Variants in HDAC5 observed in about 807,000 individuals in gnomAD.
HDAC5 encodes histone deacetylase 5.
Under a neutral mutation model 133.3 loss-of-function variants are expected in HDAC5, and 25 were observed. That is an observed-to-expected ratio of 0.19 (90% confidence interval 0.14 to 0.26). HDAC5 has a LOEUF of 0.26. Ranked by LOEUF, HDAC5 falls within the 10% of genes least tolerant of loss-of-function variation. HDAC5 has a pLI of 1.00. For missense variants in HDAC5, 1,041 were observed against 1,460.5 expected (o/e 0.71, Z 4.68); for synonymous variants, 589 against 610.8 (o/e 0.96, Z 0.53).
rs2052541554 is a variant in HDAC5 at position 44,114,544 on chromosome 17, T to C, written c.22+2950A>G. ...GGTGTTGTCATGAAGCTTGTCTCCC[T>C]CCCACACTGGGGAGAAGGATCCTGG... On this transcript the variant is annotated intron_variant, in intron 2 of 26. Transcript: ENST00000682912. Among the ~76,000 whole-genome samples the C allele has an allele frequency of 3.9e-5, 6 of 152,204 alleles. No individual in the cohort carries two copies. The South Asian group carries it at 1.2e-3, about 32-fold the overall frequency.
rs1329425796 is a variant in HDAC5, at chr17:44,084,663, G to A, written c.2197C>T (p.Arg733Cys). The change falls in exon 16 of 27, where the codon CGC becomes TGC. Residue 733 changes from arginine to cysteine, a missense_variant. Physicochemically the swap from Arg to Cys is radical, Grantham distance 180 (BLOSUM62 -3). Around this residue, in one of 9 missense-constraint regions of HDAC5, gnomAD observed 42 missense variants for 101.7 expected, o/e 0.41. Transcript: ENST00000682912. ...TGGATCTCATCTAGCGTGGCTTTGC[G>A]ACCTCGGATCCGCTGCCAGGAGGAT... ...LLSKCERIRGRKATLDEIQTV... is the reference protein window; with the variant it reads ...LLSKCERIRGCKATLDEIQTV... The A allele has an allele frequency of 1.2e-6, 2 of 1,614,014 alleles. No homozygotes were observed. The highest frequency in any genetic ancestry group is 2.2e-5 in the East Asian group (1 of 44,878).
intron 3 of HDAC5, among the ~76,000 whole-genome samples, chr17:44,095,730 GGGCA>G (rs1422485232): frequency 6.6e-6 from 1 of 152,098 alleles, no homozygotes; most frequent in African/African-American, 2.4e-5. Flanking sequence ...GAGGATGGGC[GGGCA>G]GGCAGCAGGG....
chr17:44,078,244 C>G lies in HDAC5; in HGVS notation c.*132G>C. 1 of 931,380 alleles carries G rather than the reference C, an allele frequency of 1.1e-6. No individual in the cohort carries two copies. Among genetic ancestry groups the G allele is most frequent in the Non-Finnish European group, 1.5e-6 (1 of 647,596 alleles). The allele number at this position is 931,380 out of a possible 1,614,324, so 57.7% of individuals were successfully genotyped here. On this transcript the variant is annotated 3_prime_UTR_variant, in exon 27 of 27. Coordinates refer to ENST00000682912, the MANE Select transcript of HDAC5 (RefSeq NM_005474.5). The stretch of plus-strand genomic sequence containing the variant: ...CCACAGGGCTGGGGGCCTGAGGCAG[C>G]GTAGAGGAGCAGGAGGGGCAAGGCT...
At chr17:44,088,065 A>G (rs2050753801) in intron 12 of HDAC5, among the ~76,000 whole-genome samples, 1 of 151,598 alleles carries the variant, frequency 6.6e-6, no homozygotes. Context: ...CTGCAGTGCA[A>G]TGGTGCGATC....
At chr17:44,083,885 A>C in intron 16 of HDAC5, 31 bp from the exon 17 acceptor site, 1 of 1,605,922 alleles carries the variant, frequency 6.2e-7, no homozygotes, top group Non-Finnish European at 8.5e-7. Flanking sequence ...GCTACTCTAG[A>C]AGTGGCCTCG....
At chr17:44,079,746 A>G (rs188078682) in intron 23 of HDAC5, among the ~76,000 whole-genome samples, 1 of 152,280 alleles carries the variant, frequency 6.6e-6, no homozygotes, top group African/African-American at 2.4e-5. Context: ...ATATATCCAT[A>G]ATAAAATACA....
intron 1 of HDAC5, among the ~76,000 whole-genome samples, chr17:44,121,527 G>T (rs1292531050): frequency 6.7e-6 from 1 of 150,112 alleles, no homozygotes; most frequent in East Asian, 2.0e-4. Flanking sequence ...AAAGGGATGT[G>T]AGTAGGAAGA....
chr17:44,114,448 G>T (rs879741219), intron 2 of HDAC5, among the ~76,000 whole-genome samples: 32 of 151,874 alleles, frequency 2.1e-4, no homozygotes, highest in Admixed American at 1.4e-3. Flanking sequence ...GGGGGGGGGG[G>T]GCTGCTGCCC....
At position 44,078,372 on chromosome 17, in the gene HDAC5, G is replaced by A; in HGVS notation, c.*4C>T. 5 of 1,522,322 alleles carry A rather than the reference G, an allele frequency of 3.3e-6. No homozygotes were observed. The highest frequency in any genetic ancestry group is 4.4e-6 in the Non-Finnish European group (5 of 1,137,546). The allele number at this position is 1,522,322 out of a possible 1,614,324, so 94.3% of individuals were successfully genotyped here. On this transcript the variant is annotated 3_prime_UTR_variant, in exon 27 of 27. Transcript: ENST00000682912. ...TGAAGCCCAGAGGGATGGGGGCCGG[G>A]GCGTCACAGGGCAGGCTCCTGCTCC...
intron 1 of HDAC5, among the ~76,000 whole-genome samples, chr17:44,121,265 C>T (rs1017275769): frequency 3.9e-5 from 6 of 152,016 alleles, no homozygotes; most frequent in Admixed American, 3.3e-4. Flanking sequence ...GAAAGGGCTG[C>T]GGCTGGGCCT....
chr17:44,115,938 T>C (rs1451794518), intron 2 of HDAC5: 1 of 152,218 alleles, frequency 6.6e-6, no homozygotes, highest in Non-Finnish European at 1.5e-5. Context: ...TCCAACACTC[T>C]TGTCAGCTCC....
chr17:44,103,853 C>T (rs1374063305), intron 3 of HDAC5, among the ~76,000 whole-genome samples: 1 of 151,950 alleles, frequency 6.6e-6, no homozygotes, highest in Non-Finnish European at 1.5e-5. Context: ...GGATTACAGG[C>T]ATACGCCACC....
intron 3 of HDAC5, among the ~76,000 whole-genome samples, chr17:44,096,962 T>G (rs1249583330): frequency 3.9e-5 from 6 of 152,176 alleles, no homozygotes; most frequent in African/African-American, 1.2e-4. Flanking sequence ...CCTCAGGTGA[T>G]CCACCCGCCT....
intron 20 of HDAC5, 34 bp downstream of exon 20, chr17:44,082,551 C>A: frequency 6.5e-7 from 1 of 1,543,894 alleles, no homozygotes; most frequent in Non-Finnish European, 9.0e-7. Context: ...TAGCTCTACC[C>A]GCCCCTGCCC....
intron 3 of HDAC5, among the ~76,000 whole-genome samples, chr17:44,097,216 T>TG (rs1450928008): frequency 1.3e-5 from 2 of 152,232 alleles, no homozygotes; most frequent in Non-Finnish European, 2.9e-5. Context: ...GCCTGGAGTA[T>TG]GGCCTCTGGA....
intron 1 of HDAC5, among the ~76,000 whole-genome samples, chr17:44,122,360 TC>T (rs1022499260): frequency 1.3e-5 from 2 of 150,952 alleles, no homozygotes; most frequent in African/African-American, 2.4e-5. Flanking sequence ...GATCTCACCC[TC>T]CCCCCCACCT....
chr17:44,090,616 C>T (rs540237975), intron 11 of HDAC5, among the ~76,000 whole-genome samples: 1 of 151,940 alleles, frequency 6.6e-6, no homozygotes, highest in Non-Finnish European at 1.5e-5. Flanking sequence ...CTCAAGTGAT[C>T]CACCTGCCTT....
chr17:44,085,329 T>A, intron 14 of HDAC5, 174 bp from the exon 15 acceptor site: 4 of 425,308 alleles, frequency 9.4e-6, no homozygotes, highest in Non-Finnish European at 1.6e-5. Context: ...TCTCCAGCTT[T>A]TTTTTTTTTT....
Position 44,078,866 on chromosome 17 carries a change from T to C in HDAC5, c.3092A>G (p.Asp1031Gly). Reference protein sequence around the residue: ...ALLSVELQPLDEAVLQQKPNI... With the variant: ...ALLSVELQPLGEAVLQQKPNI... The stretch of plus-strand genomic sequence containing the variant: ...GGGCTTTTGCTGCAAGACTGCCTCA[T>C]CCAAGGGCTGCAGCTGGCAGGGGAA... Residue 1031 changes from aspartate to glycine, a missense_variant, in exon 25 of 27, where the codon GAT (aspartate) becomes GGT (glycine). Asp to Gly is a moderately conservative substitution (Grantham distance 94). Transcript: ENST00000682912. 1.2e-6 allele frequency: 2 copies of C among 1,614,066 alleles called. No homozygotes were observed. The highest frequency in any genetic ancestry group is 1.1e-5 in the South Asian group (1 of 91,082).
Sources: allele counts gnomAD v4.1 joint callset (sites outside exome capture counted in the v4.1 genomes callset), GRCh38; gene constraint gnomAD v4.1.1; regional missense constraint gnomAD v4.1.1; transcripts MANE v1.5; gene names NCBI Gene and HGNC (gene_info 2026-07-23, HGNC 2026-07-21).